The following NFATC3 variants were observed in gnomAD, a reference collection of about 807,000 sequenced individuals.
The protein encoded by NFATC3 is nuclear factor of activated T-cells, cytoplasmic 3.
Under a neutral mutation model 98.6 loss-of-function variants are expected in NFATC3, and 46 were observed. The observed-to-expected ratio is 0.47, with a 90% CI of 0.37 to 0.60. The LOEUF is 0.60. Among genes scored for constraint, NFATC3 ranks in the 20% least tolerant of loss-of-function variants. The pLI, the probability that NFATC3 is intolerant of heterozygous loss-of-function variation, is 0.00. For synonymous variants in NFATC3, 512 were observed against 472.2 expected (o/e 1.08, Z -1.09); for missense variants, 1,256 against 1,295.5 (o/e 0.97, Z 0.47).
intron 4 of NFATC3, among the ~76,000 whole-genome samples, chr16:68,158,661 GT>G (rs2038735397): frequency 6.6e-6 from 1 of 152,098 alleles, no homozygotes; most frequent in African/African-American, 2.4e-5. Flanking sequence ...CCCCAAGCAA[GT>G]TTTTTCTTCT....
At chr16:68,117,581 T>C (rs1246426755) in intron 1 of NFATC3, among the ~76,000 whole-genome samples, 1 of 152,148 alleles carries the variant, frequency 6.6e-6, no homozygotes, top group Non-Finnish European at 1.5e-5. Context: ...TATCTTGGCT[T>C]ACAGCAACCT....
intron 9 of NFATC3, among the ~76,000 whole-genome samples, chr16:68,208,306 G>A (rs556392705): frequency 2.6e-5 from 4 of 152,074 alleles, no homozygotes; most frequent in Non-Finnish European, 4.4e-5. Flanking sequence ...CAAAGTGCAG[G>A]GTTATAGGCA....
intron 1 of NFATC3, among the ~76,000 whole-genome samples, chr16:68,099,240 C>T (rs745406036): frequency 6.6e-6 from 1 of 152,146 alleles, no homozygotes; most frequent in Middle Eastern, 3.4e-3. Context: ...TTGAGACCAG[C>T]CTGGCCAACC....
intron 9 of NFATC3, among the ~76,000 whole-genome samples, chr16:68,212,224 A>T (rs2041438307): frequency 6.6e-6 from 1 of 152,202 alleles, no homozygotes; most frequent in Non-Finnish European, 1.5e-5. Flanking sequence ...TCAAATAATA[A>T]ACAAGCTTAA....
rs1442561214 is a variant in NFATC3 at position 68,226,896 on chromosome 16, G to GAAAAAAAAAAAAAAAAAAAAAAAAAAAAA, written c.*425_*426insAAAAAAAAAAAAAAAAAAAAAAAAAAAAA. ...GAACTTTTGATAAGACCTTCTAGAA[G>GAAAAAAAAAAAAAAAAAAAAAAAAAAAAA]CAAAAAAAAAAAAAAAAAAAAAAAA... On this transcript the variant is annotated 3_prime_UTR_variant, in exon 10 of 10. Coordinates refer to ENST00000346183, the MANE Select transcript of NFATC3 (RefSeq NM_173165.3). 1 of 4,584 alleles carries GAAAAAAAAAAAAAAAAAAAAAAAAAAAAA rather than the reference G, an allele frequency of 2.2e-4. No homozygotes were observed. Among genetic ancestry groups the GAAAAAAAAAAAAAAAAAAAAAAAAAAAAA allele is most frequent in the African/African-American group, 1.7e-3 (1 of 592 alleles). 0.3% of individuals were successfully genotyped at this position (4,584 alleles called of 1,614,324 possible).
At chr16:68,146,701 C>A (rs2038055068) in intron 3 of NFATC3, among the ~76,000 whole-genome samples, 1 of 152,204 alleles carries the variant, frequency 6.6e-6, no homozygotes. Flanking sequence ...ATTGAAGTTG[C>A]TGTAGTCTGT....
chr16:68,166,652 C>T (rs1158496685), intron 4 of NFATC3, among the ~76,000 whole-genome samples, 191 bp from the exon 5 acceptor site: 1 of 152,180 alleles, frequency 6.6e-6, no homozygotes. Context: ...AAGTTTTGCA[C>T]TTTTATCGTA....
At chr16:68,193,736 C>T (rs1182952024) in intron 9 of NFATC3, among the ~76,000 whole-genome samples, 1 of 152,072 alleles carries the variant, frequency 6.6e-6, no homozygotes, top group African/African-American at 2.4e-5. Context: ...TTTTTTAGAT[C>T]CATGTTTGGT....
chr16:68,129,740 T>C (rs1170090727), intron 3 of NFATC3, among the ~76,000 whole-genome samples: 3 of 149,806 alleles, frequency 2.0e-5, no homozygotes, highest in African/African-American at 5.0e-5. Flanking sequence ...TTCAGTGGCA[T>C]GATCATACCT....
intron 6 of NFATC3, among the ~76,000 whole-genome samples, chr16:68,176,334 C>T (rs1001752250): frequency 6.6e-6 from 1 of 151,976 alleles, no homozygotes; most frequent in Admixed American, 6.6e-5. Context: ...ATGGAAACAA[C>T]CTAAATGCTC....
rs992700648 is a variant in NFATC3, at chr16:68,228,421, G to A, written c.*1950G>A. On this transcript the variant is annotated 3_prime_UTR_variant, in exon 10 of 10. Coordinates refer to ENST00000346183, the MANE Select transcript of NFATC3 (RefSeq NM_173165.3). The stretch of plus-strand genomic sequence containing the variant: ...CCCCTGGTGTAGCTGCCTCACATGA[G>A]GTTATTGCAAGAGTTCCCCTTGCAA... 9.2e-5 allele frequency: 14 copies of A among 152,238 alleles called. 1 individual carries two copies. The highest frequency in any genetic ancestry group is 2.9e-4 in the African/African-American group (12 of 41,398). The allele number at this position is 152,238 out of a possible 1,614,324, so 9.4% of individuals were successfully genotyped here.
intron 4 of NFATC3, among the ~76,000 whole-genome samples, chr16:68,162,660 A>G (rs1201867104): frequency 6.6e-6 from 1 of 151,206 alleles, no homozygotes; most frequent in East Asian, 1.9e-4. Context: ...ACTTCATTCC[A>G]TAAAATACAT....
intron 6 of NFATC3, among the ~76,000 whole-genome samples, chr16:68,175,229 A>C (rs936564940): frequency 1.3e-5 from 2 of 152,176 alleles, no homozygotes; most frequent in Non-Finnish European, 2.9e-5. Context: ...CAATCCAGAA[A>C]CCAAAAGTAG....
At chr16:68,178,589 T>C (rs988683305) in intron 6 of NFATC3, among the ~76,000 whole-genome samples, 5 of 152,174 alleles carry the variant, frequency 3.3e-5, no homozygotes, top group Non-Finnish European at 1.5e-5. Context: ...TTATTCCAGA[T>C]AAAATTGTAT....
intron 9 of NFATC3, among the ~76,000 whole-genome samples, chr16:68,215,608 T>G (rs2151167637): frequency 6.6e-6 from 1 of 152,142 alleles, no homozygotes; most frequent in South Asian, 2.1e-4. Flanking sequence ...AACAGCAGTG[T>G]AGACAACTCC....
At chr16:68,180,639 A>C (rs2039913309) in intron 6 of NFATC3, among the ~76,000 whole-genome samples, 1 of 152,022 alleles carries the variant, frequency 6.6e-6, no homozygotes, top group South Asian at 2.1e-4. Context: ...TCCTAATGCT[A>C]TCCCTTCCAC....
chr16:68,123,396 T>C (rs1202609589), intron 2 of NFATC3, among the ~76,000 whole-genome samples: 1 of 151,764 alleles, frequency 6.6e-6, no homozygotes, highest in African/African-American at 2.4e-5. Context: ...TTTGGAGGCT[T>C]ATGCTTTGTA....
At chr16:68,147,899 C>G (rs908330113) in intron 3 of NFATC3, among the ~76,000 whole-genome samples, 4 of 151,904 alleles carry the variant, frequency 2.6e-5, no homozygotes, top group African/African-American at 9.7e-5. Flanking sequence ...CCCCATCTGC[C>G]GCCAGATAAA....
At chr16:68,149,160 C>T (rs1237224724) in intron 3 of NFATC3, among the ~76,000 whole-genome samples, 1 of 151,590 alleles carries the variant, frequency 6.6e-6, no homozygotes, top group Non-Finnish European at 1.5e-5. Context: ...GAGCTAAAGG[C>T]TAGGCTTAAT....
Sources: allele counts gnomAD v4.1 joint callset (sites outside exome capture counted in the v4.1 genomes callset), GRCh38; gene constraint gnomAD v4.1.1; transcripts MANE v1.5; gene names NCBI Gene and HGNC (gene_info 2026-07-23, HGNC 2026-07-21).